The following TP53BP1 variants were observed in gnomAD, a reference collection of about 807,000 sequenced individuals.
TP53BP1 encodes the protein TP53-binding protein 1.
A neutral mutation model predicts 200.8 loss-of-function variants in TP53BP1; 61 were observed. That is an observed-to-expected ratio of 0.30 (90% confidence interval 0.25 to 0.38). TP53BP1 has a LOEUF of 0.38. TP53BP1 is among the 10% of genes least tolerant of loss of function. TP53BP1 has a pLI of 1.00. For missense variants in TP53BP1, 2,144 were observed against 2,371.9 expected, an observed-to-expected ratio of 0.90 and a Z score of 2.00; for synonymous variants, 822 against 844.3, an observed-to-expected ratio of 0.97 and a Z score of 0.46.
intron 18 of TP53BP1, among the ~76,000 whole-genome samples, chr15:43,423,577 T>C (rs572344221): frequency 8.7e-6 from 1 of 115,526 alleles, no homozygotes; most frequent in Non-Finnish European, 1.6e-5. Flanking sequence ...GAATCACATG[T>C]GAACCTGGGA....
intron 1 of TP53BP1, 138 bp from the exon 2 acceptor site, chr15:43,492,606 T>C (rs1276679028): frequency 4.6e-6 from 3 of 652,872 alleles, no homozygotes; most frequent in Admixed American, 3.0e-5. Flanking sequence ...GAATATTATA[T>C]TTATAATTGC....
rs564785653 is a variant in TP53BP1 at position 43,416,100 on chromosome 15, C to T, written c.4873+125G>A. The T allele has an allele frequency of 1.8e-5, 16 of 902,222 alleles. 1 individual carries two copies. In the South Asian group the frequency reaches 2.7e-4, roughly 15 times the overall value. 55.9% of individuals were successfully genotyped at this position (902,222 alleles called of 1,614,324 possible). A position where few individuals can be genotyped will look rare whatever the true frequency, so the allele number is the denominator to read the frequency against. ...CTCTAGAAAATGACAGCTCATCCAC[C>T]ATCTGAGAAGCCACACATAGGAATA... On this transcript the variant is annotated intron_variant, in intron 22 of 27. Coordinates refer to ENST00000382044, the MANE Select transcript of TP53BP1 (RefSeq NM_001141980.3).
At chr15:43,420,840 C>T (rs530155652) in intron 20 of TP53BP1, 105 bp from the exon 21 acceptor site, 150 of 1,296,858 alleles carry the variant, frequency 1.2e-4, no homozygotes, top group South Asian at 1.5e-4. Context: ...TCAGCCCATT[C>T]TTTAAAAACC....
At chr15:43,449,865 T>G (rs1336401572) in intron 12 of TP53BP1, among the ~76,000 whole-genome samples, 1 of 152,230 alleles carries the variant, frequency 6.6e-6, no homozygotes, top group African/African-American at 2.4e-5. Flanking sequence ...TCATAAAGCT[T>G]CTATTCAATG....
At chr15:43,443,245 A>C (rs1481909013) in intron 14 of TP53BP1, among the ~76,000 whole-genome samples, 1 of 152,314 alleles carries the variant, frequency 6.6e-6, no homozygotes, top group African/African-American at 2.4e-5. Flanking sequence ...TTTAAAATTT[A>C]TATCATATTA....
At chr15:43,449,237 TGG>T (rs1595568620) in intron 12 of TP53BP1, among the ~76,000 whole-genome samples, 1 of 152,182 alleles carries the variant, frequency 6.6e-6, no homozygotes, top group East Asian at 1.9e-4. Context: ...AAAAGAGAAA[TGG>T]GTCAGGTAGA....
Position 43,477,537 on chromosome 15 carries a change from A to G in TP53BP1, c.955+56T>C, listed in dbSNP as rs45484799. 212 of 1,490,236 alleles carry G rather than the reference A, an allele frequency of 1.4e-4. 2 individuals carry two copies. In the African/African-American group the frequency reaches 2.5e-3, roughly 18 times the overall value. 92.3% of individuals were successfully genotyped at this position (1,490,236 alleles called of 1,614,324 possible). A position where few individuals can be genotyped will look rare whatever the true frequency, so the allele number is the denominator to read the frequency against. On this transcript the variant is annotated intron_variant, in intron 8 of 27. Transcript: ENST00000382044. Reference sequence around the variant, plus strand: ...TAACTTAACCAGTAGCCTCAGAACTAAAGTAAAAGTTTAGATCTTTGGAGA... The same window carrying G: ...TAACTTAACCAGTAGCCTCAGAACTGAAGTAAAAGTTTAGATCTTTGGAGA...
chr15:43,487,191 G>A (rs2079057948), intron 4 of TP53BP1, among the ~76,000 whole-genome samples: 1 of 151,982 alleles, frequency 6.6e-6, no homozygotes. Flanking sequence ...AAAATGACAG[G>A]CAGCAAGTAA....
upstream of TP53BP1, among the ~76,000 whole-genome samples, chr15:43,494,454 CTG>C (rs565991085): frequency 6.6e-4 from 100 of 152,298 alleles, 1 homozygote; most frequent in Admixed American, 1.5e-3. Flanking sequence ...CTCCTTGAAA[CTG>C]TCCTGAAAAA....
intron 23 of TP53BP1, 27 bp downstream of exon 23, chr15:43,415,567 A>T (rs751209847): frequency 6.2e-7 from 1 of 1,610,626 alleles, no homozygotes; most frequent in Non-Finnish European, 8.5e-7. Context: ...GGTCTGAAGG[A>T]AGAATGAGGC....
chr15:43,507,275 C>T (rs568700832), intron 1 of TP53BP1, among the ~76,000 whole-genome samples: 27 of 152,264 alleles, frequency 1.8e-4, no homozygotes, highest in African/African-American at 6.5e-4. Context: ...GCTGGGATTA[C>T]AGGCACCCAC....
At chr15:43,430,371 T>C (rs1285550017) in intron 17 of TP53BP1, among the ~76,000 whole-genome samples, 1 of 152,214 alleles carries the variant, frequency 6.6e-6, no homozygotes, top group African/African-American at 2.4e-5. Context: ...GGCACACCAA[T>C]TTCAATTTCT....
chr15:43,407,927 ACACT>A lies in TP53BP1; in HGVS notation c.5746+12_5746+15del. The stretch of plus-strand genomic sequence containing the variant: ...GATCCCTGGAACAAAGACACTACAC[ACACT>A]CTTTCAGGTACCTTTGTTATGGGCA... On this transcript the variant is annotated intron_variant, in intron 27 of 27. Transcript: ENST00000382044. 6.2e-7 allele frequency: 1 copy of A among 1,607,404 alleles called. No homozygotes were observed. Among genetic ancestry groups the A allele is most frequent in the South Asian group, 1.1e-5 (1 of 90,670 alleles).
upstream of TP53BP1, among the ~76,000 whole-genome samples, chr15:43,496,622 CTT>C (rs201302525): frequency 2.7e-4 from 36 of 135,070 alleles, no homozygotes; most frequent in Middle Eastern, 3.8e-3. Context: ...TCATATATTC[CTT>C]TTTTTTTTTT....
At chr15:43,494,433 A>T (rs1328028687), upstream of TP53BP1, among the ~76,000 whole-genome samples, 1 of 152,250 alleles carries the variant, frequency 6.6e-6, no homozygotes, top group Non-Finnish European at 1.5e-5. Context: ...TTATGGGAAC[A>T]AAAGGACTGA....
At chr15:43,486,700 T>C (rs2079051853) in intron 4 of TP53BP1, among the ~76,000 whole-genome samples, 1 of 152,162 alleles carries the variant, frequency 6.6e-6, no homozygotes, top group Admixed American at 6.5e-5. Context: ...CACGGCTCGC[T>C]GCAACCTCTG....
chr15:43,410,953 A>G (rs2045099346), intron 24 of TP53BP1, among the ~76,000 whole-genome samples: 1 of 152,188 alleles, frequency 6.6e-6, no homozygotes, highest in Non-Finnish European at 1.5e-5. Context: ...TAAGAAACTC[A>G]GAATACAGCA....
chr15:43,445,743 C>T (rs904047299), intron 14 of TP53BP1, among the ~76,000 whole-genome samples: 1 of 152,180 alleles, frequency 6.6e-6, no homozygotes, highest in Non-Finnish European at 1.5e-5. Flanking sequence ...GTTCTGCCTA[C>T]TCGCTCCTCA....
At chr15:43,432,066 C>T in intron 17 of TP53BP1, 128 bp downstream of exon 17, 1 of 1,353,440 alleles carries the variant, frequency 7.4e-7, no homozygotes, top group Non-Finnish European at 1.0e-6. Flanking sequence ...TTGTTTTTGT[C>T]TTTTAACCAC....
Sources: allele counts gnomAD v4.1 joint callset (sites outside exome capture counted in the v4.1 genomes callset), GRCh38; gene constraint gnomAD v4.1.1; transcripts MANE v1.5; gene names NCBI Gene and HGNC (gene_info 2026-07-23, HGNC 2026-07-21).